The following FLNB variants were observed in gnomAD, a reference collection of about 807,000 sequenced individuals.
The protein encoded by FLNB is filamin-B.
Under a neutral mutation model 250.6 loss-of-function variants are expected in FLNB, and 111 were observed. The observed-to-expected ratio is 0.44, with a 90% CI of 0.38 to 0.52. The LOEUF is 0.52. Ranked by LOEUF, FLNB falls within the 20% of genes least tolerant of loss-of-function variation. FLNB has a pLI of 0.00. For missense variants in FLNB, 2,869 were observed against 3,447.8 expected, an observed-to-expected ratio of 0.83 and a Z score of 4.20; for synonymous variants, 1,302 against 1,372.1, an observed-to-expected ratio of 0.95 and a Z score of 1.13.
At chr3:58,101,399 CAGA>C (rs1191839541) in intron 8 of FLNB, among the ~76,000 whole-genome samples, 1 of 152,168 alleles carries the variant, frequency 6.6e-6, no homozygotes, top group Admixed American at 6.5e-5. Context: ...CCGTGCTGGG[CAGA>C]AGATTTATTC....
At chr3:58,020,026 G>T (rs2097111320) in intron 1 of FLNB, among the ~76,000 whole-genome samples, 1 of 150,100 alleles carries the variant, frequency 6.7e-6, no homozygotes, top group African/African-American at 2.5e-5. Flanking sequence ...AGGGCTCACA[G>T]CACACACCAT....
intron 1 of FLNB, among the ~76,000 whole-genome samples, chr3:58,071,419 C>A (rs2097194359): frequency 6.6e-6 from 1 of 151,700 alleles, no homozygotes; most frequent in Non-Finnish European, 1.5e-5. Flanking sequence ...GCTGGGATTA[C>A]AGGCACACAC....
chr3:58,020,131 G>A (rs1436322926), intron 1 of FLNB, among the ~76,000 whole-genome samples: 1 of 150,990 alleles, frequency 6.6e-6, no homozygotes, highest in East Asian at 1.9e-4. Context: ...ACTATGCCAG[G>A]AGATCCTTGG....
intron 28 of FLNB, among the ~76,000 whole-genome samples, 199 bp downstream of exon 28, chr3:58,136,367 G>T (rs2097315977): frequency 6.6e-6 from 1 of 152,224 alleles, no homozygotes; most frequent in African/African-American, 2.4e-5. Context: ...AAGGAACAGA[G>T]ACTGTTTTAC....
intron 18 of FLNB, among the ~76,000 whole-genome samples, chr3:58,114,692 A>G (rs962151894): frequency 3.1e-5 from 4 of 127,492 alleles, no homozygotes; most frequent in African/African-American, 1.1e-4. Context: ...CCTTGCTAAC[A>G]TTTGTTTTTT....
chr3:58,082,477 T>C (rs2097210569), intron 4 of FLNB, among the ~76,000 whole-genome samples: 1 of 152,014 alleles, frequency 6.6e-6, no homozygotes, highest in Non-Finnish European at 1.5e-5. Flanking sequence ...TTTTCATAAT[T>C]AAGAAAATAT....
At chr3:58,067,913 T>G (rs1187330315) in intron 1 of FLNB, among the ~76,000 whole-genome samples, 1 of 152,128 alleles carries the variant, frequency 6.6e-6, no homozygotes, top group Non-Finnish European at 1.5e-5. Context: ...AAAACAGTTG[T>G]GGAAAGCATG....
rs1324094116 is a variant in FLNB at position 58,009,516 on chromosome 3, C to T, written c.292+660C>T. ...GCAGGTTGAACCCACTCCTTGCTGC[C>T]GAAGTTATAATTTAGAGATGGTGGT... On this transcript the variant is annotated intron_variant, in intron 1 of 45. Coordinates refer to ENST00000295956, the MANE Select transcript of FLNB (RefSeq NM_001457.4). 2.6e-5 allele frequency among the ~76,000 whole-genome samples: 4 copies of T among 152,250 alleles called. No individual in the cohort carries two copies. In the South Asian group the frequency reaches 8.3e-4, roughly 32 times the overall value.
chr3:58,125,894 C>A, intron 23 of FLNB, 151 bp downstream of exon 23: 1 of 736,760 alleles, frequency 1.4e-6, no homozygotes, highest in Non-Finnish European at 2.2e-6. Flanking sequence ...ATAGAAAGAC[C>A]AAGCATACCT....
At position 58,131,588 on chromosome 3, in the gene FLNB, G is replaced by A. The variant is rs190828641; in HGVS notation, c.4390+680G>A. Among the ~76,000 whole-genome samples the A allele has an allele frequency of 2.1e-4, 32 of 152,320 alleles. No homozygotes were observed. In the East Asian group the frequency reaches 4.8e-3, roughly 23 times the overall value. On this transcript the variant is annotated intron_variant, in intron 25 of 45. Transcript: ENST00000295956. ...GAGGACAGTGTGCCTAATTTCTTAC[G>A]TAATCTGGATTTTCCTCGCCAATGA...
intron 45 of FLNB, chr3:58,170,348 G>T (rs2097380115): frequency 1.7e-6 from 1 of 580,206 alleles, no homozygotes; most frequent in Admixed American, 2.9e-5. Context: ...GAGCTAGGGA[G>T]AGGTGAGATT....
intron 4 of FLNB, among the ~76,000 whole-genome samples, chr3:58,091,073 G>T (rs146939018): frequency 6.8e-6 from 1 of 147,690 alleles, no homozygotes; most frequent in African/African-American, 2.5e-5. Context: ...GCGAGACTCC[G>T]TCTCAAAAAA....
chr3:58,154,155 ACT>A (rs1347827771), intron 39 of FLNB, among the ~76,000 whole-genome samples: 1 of 152,044 alleles, frequency 6.6e-6, no homozygotes, highest in Non-Finnish European at 1.5e-5. Flanking sequence ...TCTTGCTCAG[ACT>A]GGTCTTGAAC....
intron 1 of FLNB, among the ~76,000 whole-genome samples, chr3:58,025,613 C>T (rs938871239): frequency 7.9e-5 from 12 of 152,262 alleles, no homozygotes; most frequent in South Asian, 6.2e-4. Flanking sequence ...AGGAGCCTGT[C>T]GTCCATATGC....
intron 42 of FLNB, among the ~76,000 whole-genome samples, chr3:58,161,788 C>T (rs926263165): frequency 6.6e-6 from 1 of 151,720 alleles, no homozygotes; most frequent in Non-Finnish European, 1.5e-5. Flanking sequence ...TGGCCTTCCT[C>T]TTGGTGGCAG....
In FLNB at chr3:58,161,879, G is replaced by A. The variant is rs111855580; in HGVS notation, c.7022-1275G>A. Among the ~76,000 whole-genome samples, 31 of 152,234 alleles carry A rather than the reference G, an allele frequency of 2.0e-4. No homozygotes were observed. The East Asian group carries it at 4.8e-3, about 24-fold the overall frequency. On this transcript the variant is annotated intron_variant, in intron 42 of 45. Transcript: ENST00000295956. ...CACCCTCTCAGGATTCTTAGAAGTC[G>A]AGAGCCTCCTTTCCCAGAAGTCTCC... is the stretch of plus-strand genomic sequence containing the variant.
Position 58,024,701 on chromosome 3 carries a change from C to CTTTTTTTTTTTTTTT in FLNB, c.292+15858_292+15872dup, listed in dbSNP as rs1174805764. 4.8e-4 allele frequency among the ~76,000 whole-genome samples: 40 copies of CTTTTTTTTTTTTTTT among 83,762 alleles called. 5 individuals carry two copies. The highest frequency in any genetic ancestry group is 2.6e-3 in the East Asian group (6 of 2,334). 55.0% of individuals were successfully genotyped at this position (83,762 alleles called of 152,430 possible). ...ATTTCTGGTCTTCTGGCCAAGCCTCCTTTTTTTTTTTTTTTTTTTTTTTTT... is the reference window on the plus strand; with the variant it reads ...ATTTCTGGTCTTCTGGCCAAGCCTCCTTTTTTTTTTTTTTTTTTTTTTTTTTTTTTTTTTTTTTTT... On this transcript the variant is annotated intron_variant, in intron 1 of 45. Transcript: ENST00000295956.
rs949860391 is a variant in FLNB at position 58,024,720 on chromosome 3, TTTTTTTTTA to T, written c.292+15865_292+15873del. Among the ~76,000 whole-genome samples, 9 of 100,294 alleles carry T rather than the reference TTTTTTTTTA, an allele frequency of 9.0e-5. No individual in the cohort carries two copies. In the South Asian group the frequency reaches 9.8e-4, roughly 11 times the overall value. The allele number at this position is 100,294 out of a possible 152,430, so 65.8% of individuals were successfully genotyped here. A position where few individuals can be genotyped will look rare whatever the true frequency, so the allele number is the denominator to read the frequency against. On this transcript the variant is annotated intron_variant, in intron 1 of 45. Transcript: ENST00000295956. ...AGCCTCCTTTTTTTTTTTTTTTTTTTTTTTTTTTAACCTTGAGACAGTCTTGCTTTGTTG... is the reference window on the plus strand; with the variant it reads ...AGCCTCCTTTTTTTTTTTTTTTTTTTACCTTGAGACAGTCTTGCTTTGTTG...
intron 35 of FLNB, 84 bp downstream of exon 35, chr3:58,148,448 G>T: frequency 6.7e-7 from 1 of 1,482,766 alleles, no homozygotes. Context: ...TTGGGAATGG[G>T]TAGCACAATG....
Sources: gnomAD v4.1 joint callset for allele counts (sites outside exome capture counted in the v4.1 genomes callset) on GRCh38, gnomAD v4.1.1 for gene constraint, MANE v1.5 for transcripts, NCBI Gene and HGNC (gene_info 2026-07-23, HGNC 2026-07-21) for gene names.